PRKN: variants seen among roughly 807,000 people sequenced by gnomAD.
PRKN encodes E3 ubiquitin-protein ligase parkin.
Under a neutral mutation model 59.5 loss-of-function variants are expected in PRKN, and 56 were observed. The observed-to-expected ratio is 0.94, with a 90% CI of 0.76 to 1.18. PRKN has a LOEUF of 1.18. Ranked by LOEUF, PRKN falls within the 50% of genes most tolerant of loss-of-function variation. PRKN has a pLI of 0.00. For synonymous variants in PRKN, 250 were observed against 222.1 expected (o/e 1.13, Z -1.12); for missense variants, 657 against 596.4 (o/e 1.10, Z -1.06).
chr6:162,583,260 C>G (rs1780859060), intron 1 of PRKN, among the ~76,000 whole-genome samples: 1 of 152,182 alleles, frequency 6.6e-6, no homozygotes, highest in Admixed American at 6.5e-5. Context: ...ATTACCTAGT[C>G]TGTGATATTC....
At chr6:162,662,370 T>C (rs1157980497) in intron 1 of PRKN, among the ~76,000 whole-genome samples, 2 of 152,070 alleles carry the variant, frequency 1.3e-5, no homozygotes, top group African/African-American at 4.8e-5. Flanking sequence ...ATTCTGTAAG[T>C]TGTCTGTTTA....
Position 161,566,253 on chromosome 6 carries a change from C to T in PRKN, c.933+3102G>A, listed in dbSNP as rs1358860732. On this transcript the variant is annotated intron_variant, in intron 8 of 11. Coordinates refer to ENST00000366898, the MANE Select transcript of PRKN (RefSeq NM_004562.3). The surrounding 1 kb of genome is among the most constrained non-coding windows in gnomAD (Gnocchi z 4.1). Reference sequence around the variant, plus strand: ...CCCTCACTGCCCATGGTCAAGGTTACCAAGGACCTCCACATTGTGGAGTCC... The same window carrying T: ...CCCTCACTGCCCATGGTCAAGGTTATCAAGGACCTCCACATTGTGGAGTCC... Among the ~76,000 whole-genome samples the T allele has an allele frequency of 6.6e-6, 1 of 152,176 alleles. No individual in the cohort carries two copies. Among genetic ancestry groups the T allele is most frequent in the Non-Finnish European group, 1.5e-5 (1 of 68,032 alleles).
At chr6:161,967,944 G>A (rs1780643270) in intron 6 of PRKN, among the ~76,000 whole-genome samples, 1 of 152,174 alleles carries the variant, frequency 6.6e-6, no homozygotes, top group Admixed American at 6.5e-5. Context: ...CAGGGAGGGT[G>A]AAGGACTGAT....
chr6:162,319,112 T>G (rs969143197), intron 2 of PRKN, among the ~76,000 whole-genome samples: 1 of 151,986 alleles, frequency 6.6e-6, no homozygotes, highest in Non-Finnish European at 1.5e-5. Flanking sequence ...AAGTCACAAA[T>G]TGATTTTTTT....
At chr6:162,085,249 A>T (rs1251044574) in intron 4 of PRKN, among the ~76,000 whole-genome samples, 1 of 151,556 alleles carries the variant, frequency 6.6e-6, no homozygotes, top group Non-Finnish European at 1.5e-5. Flanking sequence ...GGTGAAAGAT[A>T]AGGAATTACC....
chr6:162,182,516 A>G (rs1051957864), intron 4 of PRKN, among the ~76,000 whole-genome samples: 4 of 152,100 alleles, frequency 2.6e-5, no homozygotes, highest in Admixed American at 6.6e-5. Flanking sequence ...ACCTGGGAAA[A>G]CATCACTGTG....
In PRKN at chr6:162,727,654, C is replaced by A; in HGVS notation, c.7+8G>T. The A allele has an allele frequency of 6.3e-7, 1 of 1,585,288 alleles. No individual in the cohort carries two copies. Among genetic ancestry groups the A allele is most frequent in the Admixed American group, 1.8e-5 (1 of 56,456 alleles). ...CAGAGAGGCTGTACCTGGCAGGTAC[C>A]CACGTACCTATCATGGTCACTGGGT... On this transcript the variant is annotated splice_region_variant and intron_variant, in intron 1 of 11. Coordinates refer to ENST00000366898, the MANE Select transcript of PRKN (RefSeq NM_004562.3).
chr6:161,999,582 A>G (rs1353236061), intron 5 of PRKN, among the ~76,000 whole-genome samples: 1 of 152,112 alleles, frequency 6.6e-6, no homozygotes, highest in Non-Finnish European at 1.5e-5. Flanking sequence ...TCCAAGAGTC[A>G]CACGAAATAA....
At chr6:162,247,459 T>TA (rs1472191922) in intron 3 of PRKN, among the ~76,000 whole-genome samples, 2 of 152,164 alleles carry the variant, frequency 1.3e-5, no homozygotes, top group Non-Finnish European at 2.9e-5. Flanking sequence ...CTTTTGTTTA[T>TA]AACACCTATG....
intron 6 of PRKN, among the ~76,000 whole-genome samples, chr6:161,938,338 C>T (rs1467139913): frequency 6.6e-6 from 1 of 152,074 alleles, no homozygotes; most frequent in Non-Finnish European, 1.5e-5. Context: ...CAGGTATAAC[C>T]TAGTAAAGAC....
intron 2 of PRKN, among the ~76,000 whole-genome samples, chr6:162,293,152 A>G (rs1781517817): frequency 6.6e-6 from 1 of 152,214 alleles, no homozygotes; most frequent in African/African-American, 2.4e-5. Flanking sequence ...TGATTCCACA[A>G]CATCCCCAGT....
chr6:162,090,654 A>G (rs1583017755), intron 4 of PRKN, among the ~76,000 whole-genome samples: 1 of 152,320 alleles, frequency 6.6e-6, no homozygotes, highest in Middle Eastern at 3.4e-3. Flanking sequence ...TCTAATTGCA[A>G]TACACCGGGA....
rs1479750240 is a variant in PRKN at position 161,498,615 on chromosome 6, C to T, written c.1083+50239G>A. Among the ~76,000 whole-genome samples the T allele has an allele frequency of 1.3e-5, 2 of 152,162 alleles. No individual in the cohort carries two copies. Among genetic ancestry groups the T allele is most frequent in the African/African-American group, 2.4e-5 (1 of 41,442 alleles). On this transcript the variant is annotated intron_variant, in intron 9 of 11. Coordinates refer to ENST00000366898, the MANE Select transcript of PRKN (RefSeq NM_004562.3). The surrounding 1 kb of genome is among the most constrained non-coding windows in gnomAD (Gnocchi z 4.2). The stretch of plus-strand genomic sequence containing the variant: ...TAATTTCTGGCACTCAACTCTCCAT[C>T]CCTCCCACCATCCTGCTTCCTGAAG...
chr6:161,797,362 G>A (rs1470665763), intron 6 of PRKN, among the ~76,000 whole-genome samples: 1 of 152,128 alleles, frequency 6.6e-6, no homozygotes, highest in Middle Eastern at 3.2e-3. Context: ...TGCCTCCTGG[G>A]TTCAAGTGAT....
At chr6:162,635,145 A>G (rs1160624019) in intron 1 of PRKN, among the ~76,000 whole-genome samples, 6 of 152,188 alleles carry the variant, frequency 3.9e-5, no homozygotes, top group Admixed American at 2.6e-4. Flanking sequence ...CACAAGAGTC[A>G]AGTTTCACAC....
chr6:162,460,630 G>T (rs1382039564), intron 1 of PRKN, among the ~76,000 whole-genome samples: 1 of 152,162 alleles, frequency 6.6e-6, no homozygotes, highest in Non-Finnish European at 1.5e-5. Context: ...AAAACACTGT[G>T]ACTTAGTACT....
chr6:162,381,304 G>A (rs888460800), intron 2 of PRKN, among the ~76,000 whole-genome samples: 2 of 152,004 alleles, frequency 1.3e-5, no homozygotes, highest in Admixed American at 1.3e-4. Flanking sequence ...TATAACTATT[G>A]TTGCCCTCCT....
chr6:162,361,088 A>G (rs1442126601), intron 2 of PRKN, among the ~76,000 whole-genome samples: 1 of 152,166 alleles, frequency 6.6e-6, no homozygotes, highest in African/African-American at 2.4e-5. Flanking sequence ...GCTGTGAAAC[A>G]AGACAATCCA....
intron 7 of PRKN, among the ~76,000 whole-genome samples, chr6:161,741,950 ATTTAT>A (rs370882645): frequency 0.047 from 3,871 of 82,616 alleles, 181 homozygotes; most frequent in African/African-American, 0.13. Flanking sequence ...GGATTTATTT[ATTTAT>A]TTATTTATTT....
Sources: gnomAD v4.1 joint callset for allele counts (sites outside exome capture counted in the v4.1 genomes callset) on GRCh38, gnomAD v4.1.1 for gene constraint, Gnocchi (gnomAD v3.1) non-coding constraint, MANE v1.5 for transcripts, NCBI Gene and HGNC (gene_info 2026-07-23, HGNC 2026-07-21) for gene names.